Variants in MCUB observed in about 807,000 individuals in gnomAD.
MCUB encodes the protein mitochondrial calcium uniporter dominant negative subunit beta.
Under a neutral mutation model 41.4 loss-of-function variants are expected in MCUB, and 46 were observed. That is an observed-to-expected ratio of 1.11 (90% CI 0.88 to 1.42). The LOEUF is 1.42. Among genes scored for constraint, MCUB ranks in the 40% most tolerant of loss-of-function variants. The pLI is 0.00. For synonymous variants in MCUB, 148 were observed against 148.2 expected, an observed-to-expected ratio of 1.00 and a Z score of 0.01; for missense variants, 403 against 404.9, an observed-to-expected ratio of 1.00 and a Z score of 0.04.
At chr4:109,583,505 C>T (rs1727232767) in intron 1 of MCUB, among the ~76,000 whole-genome samples, 1 of 152,170 alleles carries the variant, frequency 6.6e-6, no homozygotes, top group Admixed American at 6.5e-5. Context: ...ATGTCATCTG[C>T]AGACAGGAAC....
At chr4:109,583,291 T>C (rs977228910) in intron 1 of MCUB, among the ~76,000 whole-genome samples, 1 of 152,200 alleles carries the variant, frequency 6.6e-6, no homozygotes, top group Non-Finnish European at 1.5e-5. Flanking sequence ...CCCATGTAAG[T>C]TGGATTCCTA....
At chr4:109,673,771 A>C (rs1257538778) in intron 4 of MCUB, 2 of 592,760 alleles carry the variant, frequency 3.4e-6, no homozygotes, top group South Asian at 2.4e-5. Flanking sequence ...TTCTGAAGAA[A>C]AGGAAAAGAT....
At chr4:109,593,791 A>T (rs197231) in intron 1 of MCUB, among the ~76,000 whole-genome samples, 107,923 of 152,138 alleles carry the variant, frequency 0.71, 38,569 homozygotes, top group African/African-American at 0.78. Context: ...TTTGATTTTT[A>T]CTTTATTTCA....
intron 1 of MCUB, among the ~76,000 whole-genome samples, chr4:109,566,196 A>G (rs377538936): frequency 1.4e-5 from 2 of 144,802 alleles, no homozygotes; most frequent in Non-Finnish European, 3.0e-5. Context: ...GTGGCCGGGC[A>G]CAGTGGCTCA....
At chr4:109,677,640 C>T (rs1579096365) in intron 4 of MCUB, among the ~76,000 whole-genome samples, 1 of 151,934 alleles carries the variant, frequency 6.6e-6, no homozygotes, top group African/African-American at 2.4e-5. Context: ...GCAGTGGGTT[C>T]CTTAATAAAG....
At chr4:109,671,892 T>C (rs1168009012) in intron 4 of MCUB, among the ~76,000 whole-genome samples, 2 of 152,152 alleles carry the variant, frequency 1.3e-5, no homozygotes, top group African/African-American at 2.4e-5. Flanking sequence ...AGATGTTTAA[T>C]GTTTGCTGTA....
At chr4:109,632,292 C>A (rs1385081747) in intron 1 of MCUB, among the ~76,000 whole-genome samples, 1 of 151,956 alleles carries the variant, frequency 6.6e-6, no homozygotes, top group Non-Finnish European at 1.5e-5. Context: ...GCTCATGGGC[C>A]ATGGTTTGCT....
intron 1 of MCUB, among the ~76,000 whole-genome samples, chr4:109,652,243 T>G (rs1260383348): frequency 2.0e-5 from 3 of 152,206 alleles, no homozygotes; most frequent in Non-Finnish European, 4.4e-5. Context: ...GGGTTAAGAC[T>G]TCAATATATG....
intron 4 of MCUB, among the ~76,000 whole-genome samples, chr4:109,667,276 A>G (rs1018071603): frequency 6.6e-6 from 1 of 152,104 alleles, no homozygotes; most frequent in Non-Finnish European, 1.5e-5. Context: ...GTATAGGCTT[A>G]TGTAGATTGT....
chr4:109,630,236 G>T (rs1454125880), intron 1 of MCUB, among the ~76,000 whole-genome samples: 1 of 152,144 alleles, frequency 6.6e-6, no homozygotes, highest in East Asian at 1.9e-4. Context: ...TGAAGTGGGA[G>T]CATCACTTGA....
intron 1 of MCUB, among the ~76,000 whole-genome samples, chr4:109,646,341 C>T (rs10032195): frequency 0.11 from 15,982 of 152,190 alleles, 952 homozygotes; most frequent in African/African-American, 0.14. Context: ...TCACCATCTC[C>T]GCACTTGCTG....
intron 1 of MCUB, among the ~76,000 whole-genome samples, chr4:109,642,885 T>C (rs1728749688): frequency 7.3e-6 from 1 of 137,090 alleles, no homozygotes; most frequent in African/African-American, 2.6e-5. Flanking sequence ...TACAGTACTC[T>C]CAGCTAGATT....
intron 1 of MCUB, among the ~76,000 whole-genome samples, chr4:109,617,646 A>G (rs1728160157): frequency 6.6e-6 from 1 of 152,172 alleles, no homozygotes; most frequent in Admixed American, 6.5e-5. Context: ...CTTGAAAGCA[A>G]TTGTAATGAA....
At chr4:109,676,784 T>C (rs902832060) in intron 4 of MCUB, among the ~76,000 whole-genome samples, 12 of 152,268 alleles carry the variant, frequency 7.9e-5, no homozygotes, top group African/African-American at 2.9e-4. Context: ...CTAATTTACC[T>C]GGCAGAAGAA....
Position 109,685,337 on chromosome 4 carries a change from A to G in MCUB, c.903A>G (p.Gln301=), listed in dbSNP as rs771070654. Residue 301 remains glutamine, a synonymous_variant, in exon 7 of 8, where the codon CAA becomes CAG. Coordinates refer to ENST00000394650, the MANE Select transcript of MCUB (RefSeq NM_017918.5). ...AGCAACAGCACTTTGATGTGCAGCA[A>G]TACAACAAGTTAAAAGAAGACCTTG... ...KSKQQHFDVQ[Q]YNKLKEDLAK... 6.4e-7 allele frequency: 1 copy of G among 1,569,232 alleles called. No homozygotes were observed. Among genetic ancestry groups the G allele is most frequent in the Non-Finnish European group, 8.8e-7 (1 of 1,139,602 alleles).
chr4:109,597,297 C>T (rs1311021024), intron 1 of MCUB, among the ~76,000 whole-genome samples: 1 of 152,024 alleles, frequency 6.6e-6, no homozygotes, highest in Non-Finnish European at 1.5e-5. Context: ...CCTCACTTCC[C>T]AGTAGGGGCG....
Position 109,628,859 on chromosome 4 carries a change from C to G in MCUB, c.100-30152C>G, listed in dbSNP as rs1333808500. ...CAGGACGTCGATACAGGCAGTCTGC[C>G]TCTGAAGCCTGCACCTTGCTTGTTT... On this transcript the variant is annotated intron_variant, in intron 1 of 7. Coordinates refer to ENST00000394650, the MANE Select transcript of MCUB (RefSeq NM_017918.5). Among the ~76,000 whole-genome samples, 4 of 152,310 alleles carry G rather than the reference C, an allele frequency of 2.6e-5. No individual in the cohort carries two copies. In the South Asian group the frequency reaches 8.3e-4, roughly 32 times the overall value.
At position 109,652,716 on chromosome 4, in the gene MCUB, T is replaced by A. The variant is rs142934076; in HGVS notation, c.100-6295T>A. Among the ~76,000 whole-genome samples the A allele has an allele frequency of 2.4e-3, 366 of 152,306 alleles. 3 individuals carry two copies. The highest frequency in any genetic ancestry group is 8.3e-3 in the African/African-American group (343 of 41,562). On this transcript the variant is annotated intron_variant, in intron 1 of 7. Transcript: ENST00000394650. ...GATCCCACCTCCCAGCACCGTTGCA[T>A]TGGGCATTAGGTTTCCAACACATGG...
intron 1 of MCUB, among the ~76,000 whole-genome samples, chr4:109,650,404 C>T (rs751090369): frequency 6.6e-6 from 1 of 152,140 alleles, no homozygotes; most frequent in African/African-American, 2.4e-5. Flanking sequence ...TAATATTTGA[C>T]CCCTTGTTAT....
Sources: allele counts gnomAD v4.1 joint callset (sites outside exome capture counted in the v4.1 genomes callset), GRCh38; gene constraint gnomAD v4.1.1; transcripts MANE v1.5; gene names NCBI Gene and HGNC (gene_info 2026-07-23, HGNC 2026-07-21).